MGMT: variants seen among roughly 807,000 people sequenced by gnomAD.
MGMT encodes the protein O-6-methylguanine-DNA methyltransferase.
Under a neutral mutation model 15.9 loss-of-function variants are expected in MGMT, and 14 were observed. The ratio of observed to expected loss-of-function variants is 0.88; its 90% CI spans 0.58 to 1.37. MGMT has a LOEUF of 1.37. MGMT is among the 40% of genes most tolerant of loss of function. The probability of loss-of-function intolerance (pLI) is 0.00; values close to 1 mark genes in which losing one functional copy is unlikely to be tolerated. For missense variants in MGMT, 282 were observed against 268.1 expected, an observed-to-expected ratio of 1.05 and a Z score of -0.36; for synonymous variants, 130 against 118.2, an observed-to-expected ratio of 1.10 and a Z score of -0.65.
At chr10:129,625,297 A>G (rs1847133777) in intron 2 of MGMT, among the ~76,000 whole-genome samples, 1 of 152,254 alleles carries the variant, frequency 6.6e-6, no homozygotes, top group Admixed American at 6.5e-5. Context: ...AGGAAGAAGT[A>G]ATTCCAATCT....
chr10:129,704,313 G>A (rs987603132), intron 2 of MGMT, among the ~76,000 whole-genome samples: 4 of 152,094 alleles, frequency 2.6e-5, no homozygotes, highest in African/African-American at 9.7e-5. Flanking sequence ...TTGCCTGCTC[G>A]GCAGGCCCAT....
At chr10:129,669,752 G>A (rs1005704861) in intron 2 of MGMT, among the ~76,000 whole-genome samples, 2 of 152,114 alleles carry the variant, frequency 1.3e-5, no homozygotes, top group African/African-American at 2.4e-5. Flanking sequence ...ATTTCTGTGG[G>A]AATAGAAATC....
chr10:129,571,596 A>C (rs547305300), intron 2 of MGMT, among the ~76,000 whole-genome samples: 1 of 152,322 alleles, frequency 6.6e-6, no homozygotes, highest in Admixed American at 6.5e-5. Flanking sequence ...AAACTCACCC[A>C]GAGAAATTTT....
chr10:129,661,437 G>T lies in MGMT; in HGVS notation c.126-46458G>T, dbSNP rs575341514. 1.1e-4 allele frequency among the ~76,000 whole-genome samples: 16 copies of T among 152,288 alleles called. No homozygotes were observed. In the South Asian group the frequency reaches 1.7e-3, roughly 16 times the overall value. ...CGCGTCCATTTCTCACACCTCTGCA[G>T]AGGATTTCTAAAATGGCTTTTTATT... is the stretch of plus-strand genomic sequence containing the variant. On this transcript the variant is annotated intron_variant, in intron 2 of 4. Transcript: ENST00000651593.
rs577371284 is a variant in MGMT, at chr10:129,691,626, G to A, written c.126-16269G>A. On this transcript the variant is annotated intron_variant, in intron 2 of 4. Coordinates refer to ENST00000651593, the MANE Select transcript of MGMT (RefSeq NM_002412.5). ...GCCGGGGGGAGCACAAAGAAGCCAG[G>A]CCTGGCAGTGGCACAGGTGTCAGGG... Among the ~76,000 whole-genome samples, 3 of 152,274 alleles carry A rather than the reference G, an allele frequency of 2.0e-5. No individual in the cohort carries two copies. The East Asian group carries it at 5.8e-4, about 30-fold the overall frequency.
chr10:129,490,037 A>T (rs1291026342), intron 1 of MGMT, among the ~76,000 whole-genome samples: 1 of 152,156 alleles, frequency 6.6e-6, no homozygotes, highest in Non-Finnish European at 1.5e-5. Flanking sequence ...AACAAAAATG[A>T]TGCTTGCTAT....
intron 1 of MGMT, among the ~76,000 whole-genome samples, chr10:129,530,383 G>A (rs1459011918): frequency 2.0e-5 from 3 of 152,150 alleles, no homozygotes; most frequent in Non-Finnish European, 2.9e-5. Flanking sequence ...AGCAACGTAT[G>A]GTGTGGTTTA....
chr10:129,670,366 A>T (rs148154500), intron 2 of MGMT, among the ~76,000 whole-genome samples: 192 of 152,288 alleles, frequency 1.3e-3, no homozygotes, highest in Admixed American at 2.2e-3. Flanking sequence ...ATTTTTCTGA[A>T]AATCTTTTCT....
At chr10:129,728,804 C>G (rs941556959) in intron 3 of MGMT, among the ~76,000 whole-genome samples, 1 of 151,850 alleles carries the variant, frequency 6.6e-6, no homozygotes, top group African/African-American at 2.4e-5. Context: ...GAATGCCAGC[C>G]CCAATGCCCC....
In MGMT at chr10:129,581,140, T is replaced by C. The variant is rs140444202; in HGVS notation, c.125+44763T>C. ...ATAATTGTTAACGGTGCAGCTGCAGTGTGAGTTGCACACTGGAAGGTGTTT... is the reference window on the plus strand; with the variant it reads ...ATAATTGTTAACGGTGCAGCTGCAGCGTGAGTTGCACACTGGAAGGTGTTT... On this transcript the variant is annotated intron_variant, in intron 2 of 4. Coordinates refer to ENST00000651593, the MANE Select transcript of MGMT (RefSeq NM_002412.5). 1.1e-3 allele frequency among the ~76,000 whole-genome samples: 164 copies of C among 152,290 alleles called. 1 individual carries two copies. The highest frequency in any genetic ancestry group is 1.9e-3 in the Non-Finnish European group (131 of 68,026).
At chr10:129,543,019 C>T (rs916788552) in intron 2 of MGMT, among the ~76,000 whole-genome samples, 3 of 152,188 alleles carry the variant, frequency 2.0e-5, no homozygotes, top group African/African-American at 7.2e-5. Context: ...CCTCGTCTTT[C>T]AGGTTGATGG....
intron 1 of MGMT, among the ~76,000 whole-genome samples, chr10:129,513,043 C>T (rs1845701721): frequency 6.6e-6 from 1 of 152,206 alleles, no homozygotes; most frequent in Non-Finnish European, 1.5e-5. Flanking sequence ...TGTGGCCTAT[C>T]CATGCAATGG....
intron 3 of MGMT, among the ~76,000 whole-genome samples, chr10:129,721,280 G>A (rs1848368192): frequency 6.6e-6 from 1 of 152,260 alleles, no homozygotes; most frequent in East Asian, 1.9e-4. Flanking sequence ...GTGCCCTAGT[G>A]CTCCAGCTGG....
chr10:129,673,291 TA>T lies in MGMT; in HGVS notation c.126-34593del, dbSNP rs113701319. 9.1e-3 allele frequency among the ~76,000 whole-genome samples: 1,343 copies of T among 148,338 alleles called. 21 individuals carry two copies. The highest frequency in any genetic ancestry group is 0.029 in the African/African-American group (1,180 of 40,592). ...TGAGTTCAAATCCCACATCCCAATT[TA>T]AAAAAAAAAATCATGTTATAAGCAA... On this transcript the variant is annotated intron_variant, in intron 2 of 4. Coordinates refer to ENST00000651593, the MANE Select transcript of MGMT (RefSeq NM_002412.5).
intron 1 of MGMT, among the ~76,000 whole-genome samples, chr10:129,467,951 T>C (rs1223519157): frequency 6.6e-6 from 1 of 152,196 alleles, no homozygotes; most frequent in Non-Finnish European, 1.5e-5. Flanking sequence ...TGGTGTTTGC[T>C]CTCAGTTGCT....
In MGMT at chr10:129,642,101, T is replaced by A. The variant is rs564656026; in HGVS notation, c.126-65794T>A. ...GGACAGCAACAGAACTTGCTCACAGTGAGACCCGACATCCCCTCCGCTCAG... is the reference window on the plus strand; with the variant it reads ...GGACAGCAACAGAACTTGCTCACAGAGAGACCCGACATCCCCTCCGCTCAG... On this transcript the variant is annotated intron_variant, in intron 2 of 4. Coordinates refer to ENST00000651593, the MANE Select transcript of MGMT (RefSeq NM_002412.5). Among the ~76,000 whole-genome samples the A allele has an allele frequency of 1.4e-4, 22 of 152,216 alleles. No homozygotes were observed. The South Asian group carries it at 3.1e-3, about 22-fold the overall frequency.
chr10:129,668,924 T>C (rs903167221), intron 2 of MGMT, among the ~76,000 whole-genome samples: 4 of 151,920 alleles, frequency 2.6e-5, no homozygotes, highest in African/African-American at 9.7e-5. Flanking sequence ...TGAGGTTGTC[T>C]TAATCTTTCC....
chr10:129,687,437 G>C (rs192965394), intron 2 of MGMT, among the ~76,000 whole-genome samples: 1 of 152,158 alleles, frequency 6.6e-6, no homozygotes, highest in Non-Finnish European at 1.5e-5. Flanking sequence ...AAAGAAGAAA[G>C]CTCTCTGGTG....
intron 1 of MGMT, among the ~76,000 whole-genome samples, chr10:129,488,354 C>G (rs1845434648): frequency 6.6e-6 from 1 of 152,138 alleles, no homozygotes; most frequent in South Asian, 2.1e-4. Flanking sequence ...TTCGTGTTGC[C>G]ATTCATCTTT....
Sources: gnomAD v4.1 joint callset for allele counts (sites outside exome capture counted in the v4.1 genomes callset) on GRCh38, gnomAD v4.1.1 for gene constraint, MANE v1.5 for transcripts, NCBI Gene and HGNC (gene_info 2026-07-23, HGNC 2026-07-21) for gene names.